MGLL: variants seen among roughly 807,000 people sequenced by gnomAD.
MGLL encodes lysophospholipase homolog.
A neutral mutation model predicts 29.1 loss-of-function variants in MGLL; 7 were observed. The ratio of observed to expected loss-of-function variants is 0.24; its 90% CI spans 0.14 to 0.45. The LOEUF (loss-of-function observed/expected upper bound fraction) is 0.45. Ranked by LOEUF, MGLL falls within the 20% of genes least tolerant of loss-of-function variation. The probability of loss-of-function intolerance (pLI) is 0.99; values close to 1 mark genes in which losing one functional copy is unlikely to be tolerated. For synonymous variants in MGLL, 148 were observed against 168.3 expected (o/e 0.88, Z 0.93); for missense variants, 356 against 413.6 (o/e 0.86, Z 1.21).
chr3:127,716,316 G>T (rs2075814605), intron 5 of MGLL, among the ~76,000 whole-genome samples: 1 of 152,222 alleles, frequency 6.6e-6, no homozygotes, highest in African/African-American at 2.4e-5. Context: ...TAACTCCGAA[G>T]GGATGCTGGG....
chr3:127,786,290 G>A (rs1200439735), intron 2 of MGLL, among the ~76,000 whole-genome samples: 2 of 152,256 alleles, frequency 1.3e-5, no homozygotes, highest in Non-Finnish European at 2.9e-5. Context: ...GAAAGTGGTT[G>A]GTTCCTGCCC....
At chr3:127,722,364 C>T in intron 4 of MGLL, 66 bp downstream of exon 4, 1 of 1,608,602 alleles carries the variant, frequency 6.2e-7, no homozygotes. Context: ...GTCAGGGCCA[C>T]CCCCTTCCCC....
intron 2 of MGLL, among the ~76,000 whole-genome samples, chr3:127,819,060 T>C (rs2077811671): frequency 1.3e-5 from 2 of 152,238 alleles, no homozygotes; most frequent in South Asian, 2.1e-4. Flanking sequence ...ACAGCACTGA[T>C]GGTAAAGGCT....
At chr3:127,789,295 A>G (rs543475861) in intron 2 of MGLL, among the ~76,000 whole-genome samples, 1 of 152,196 alleles carries the variant, frequency 6.6e-6, no homozygotes, top group Non-Finnish European at 1.5e-5. Flanking sequence ...GCCCTGGGCT[A>G]GGATGTGAAA....
chr3:127,802,587 A>G (rs1206636245), intron 2 of MGLL, among the ~76,000 whole-genome samples: 3 of 152,222 alleles, frequency 2.0e-5, no homozygotes, highest in Non-Finnish European at 4.4e-5. Flanking sequence ...ATTATTTCAT[A>G]TGCTTTGGGG....
intron 6 of MGLL, among the ~76,000 whole-genome samples, chr3:127,705,549 G>A (rs1238650463): frequency 2.0e-5 from 3 of 152,082 alleles, no homozygotes; most frequent in Non-Finnish European, 1.5e-5. Flanking sequence ...GGCTGAGGCG[G>A]GCTGATCACC....
intron 5 of MGLL, chr3:127,715,472 C>T (rs558946221): frequency 2.9e-5 from 10 of 345,804 alleles, no homozygotes; most frequent in East Asian, 7.6e-5. Flanking sequence ...CATAAAAGCC[C>T]CAAGAAAGAG....
At chr3:127,706,011 C>A (rs2075595421) in intron 6 of MGLL, among the ~76,000 whole-genome samples, 1 of 152,124 alleles carries the variant, frequency 6.6e-6, no homozygotes, top group Non-Finnish European at 1.5e-5. Context: ...TGTGAAATGG[C>A]ACAGCCACCG....
chr3:127,689,808 A>T lies in MGLL; in HGVS notation c.*2390T>A, dbSNP rs1329959956. 1 of 152,254 alleles carries T rather than the reference A, an allele frequency of 6.6e-6. No homozygotes were observed. 9.4% of individuals were successfully genotyped at this position (152,254 alleles called of 1,614,324 possible). A position where few individuals can be genotyped will look rare whatever the true frequency, so the allele number is the denominator to read the frequency against. On this transcript the variant is annotated 3_prime_UTR_variant, in exon 8 of 8. Transcript: ENST00000265052. ...TGCGTGAGATGTCAGGCACGCTCAC[A>T]CGCAGGGTCCTGTGTTGGCTCCTGA...
intron 5 of MGLL, among the ~76,000 whole-genome samples, chr3:127,716,600 C>T (rs573956877): frequency 1.3e-5 from 2 of 152,376 alleles, no homozygotes; most frequent in Non-Finnish European, 1.5e-5. Context: ...ACGCCTGTCA[C>T]TTTAAATACT....
chr3:127,818,756 G>C (rs764605725), intron 2 of MGLL, among the ~76,000 whole-genome samples: 3 of 152,158 alleles, frequency 2.0e-5, no homozygotes, highest in Non-Finnish European at 4.4e-5. Flanking sequence ...AAGATACTTT[G>C]TAACATTGGA....
At chr3:127,813,191 C>T (rs750031295) in intron 2 of MGLL, among the ~76,000 whole-genome samples, 3 of 151,772 alleles carry the variant, frequency 2.0e-5, no homozygotes, top group Non-Finnish European at 4.4e-5. Context: ...TTTTCCCCTG[C>T]TTCCCTCCTT....
chr3:127,716,833 T>A (rs1038471023), intron 5 of MGLL, among the ~76,000 whole-genome samples: 1 of 152,226 alleles, frequency 6.6e-6, no homozygotes, highest in African/African-American at 2.4e-5. Context: ...GACGGCCATG[T>A]GGGGGACACA....
intron 2 of MGLL, among the ~76,000 whole-genome samples, chr3:127,820,281 T>C (rs1255254136): frequency 6.6e-6 from 1 of 152,100 alleles, no homozygotes; most frequent in East Asian, 1.9e-4. Context: ...CAGAGAGGGC[T>C]CCCTGCAATG....
chr3:127,787,307 T>G (rs2077230409), intron 2 of MGLL, among the ~76,000 whole-genome samples: 1 of 152,204 alleles, frequency 6.6e-6, no homozygotes, highest in Admixed American at 6.5e-5. Context: ...GACTCTGGAC[T>G]TGGCTGGACT....
chr3:127,757,046 A>G (rs2076677949), intron 3 of MGLL, among the ~76,000 whole-genome samples: 1 of 152,242 alleles, frequency 6.6e-6, no homozygotes, highest in African/African-American at 2.4e-5. Context: ...GCTTTGGTCA[A>G]TGGAAGGTGG....
chr3:127,715,364 T>C (rs993570438), intron 5 of MGLL: 1 of 301,636 alleles, frequency 3.3e-6, no homozygotes, highest in African/African-American at 2.2e-5. Flanking sequence ...GCATAGTAAG[T>C]TCCAAGCCAT....
chr3:127,693,611 G>A (rs751272837), intron 7 of MGLL, among the ~76,000 whole-genome samples: 7 of 152,116 alleles, frequency 4.6e-5, no homozygotes, highest in Admixed American at 2.0e-4. Context: ...AGGCCTGGCT[G>A]TCCCATCTAA....
intron 7 of MGLL, among the ~76,000 whole-genome samples, chr3:127,693,750 G>A (rs530375097): frequency 2.0e-5 from 3 of 152,310 alleles, no homozygotes; most frequent in Admixed American, 2.0e-4. Flanking sequence ...ACAGGTTCCG[G>A]GGGGGCAGGG....
Sources: gnomAD v4.1 joint callset for allele counts (sites outside exome capture counted in the v4.1 genomes callset) on GRCh38, gnomAD v4.1.1 for gene constraint, MANE v1.5 for transcripts, NCBI Gene and HGNC (gene_info 2026-07-23, HGNC 2026-07-21) for gene names.